Variants in PDSS2 observed in about 807,000 individuals in gnomAD.
PDSS2 encodes the protein all trans-polyprenyl-diphosphate synthase PDSS2.
A neutral mutation model predicts 44.5 loss-of-function variants in PDSS2; 31 were observed. That is an observed-to-expected ratio of 0.70 (90% CI 0.52 to 0.94). PDSS2 has a LOEUF of 0.94. Ranked by LOEUF, PDSS2 falls within the 40% of genes least tolerant of loss-of-function variation. The pLI is 0.00. For missense variants in PDSS2, 452 were observed against 482.2 expected (o/e 0.94, Z 0.59); for synonymous variants, 157 against 180.3 (o/e 0.87, Z 1.03).
chr6:107,446,640 G>T (rs1381232806), intron 1 of PDSS2, among the ~76,000 whole-genome samples: 1 of 152,132 alleles, frequency 6.6e-6, no homozygotes, highest in Non-Finnish European at 1.5e-5. Context: ...TGGCTGGGGA[G>T]GCCTCAGGAA....
intron 7 of PDSS2, among the ~76,000 whole-genome samples, chr6:107,168,185 G>C (rs559328101): frequency 6.6e-6 from 1 of 152,264 alleles, no homozygotes; most frequent in East Asian, 1.9e-4. Flanking sequence ...TATATATTTA[G>C]GAGAGTTAGC....
intron 7 of PDSS2, among the ~76,000 whole-genome samples, chr6:107,179,515 G>A (rs1198198951): frequency 4.7e-5 from 6 of 128,174 alleles, no homozygotes; most frequent in South Asian, 2.3e-4. Context: ...TCCTGGCCTC[G>A]TGATTCGCCC....
In PDSS2 at chr6:107,204,318, T is replaced by G. The variant is rs919306353; in HGVS notation, c.1008+6121A>C. On this transcript the variant is annotated intron_variant, in intron 6 of 7. Transcript: ENST00000369037. ...CATTCCTTTCCATGGCTGAGTAATA[T>G]TCCATTGTATGGATATACCACATTT... Among the ~76,000 whole-genome samples, 5 of 152,320 alleles carry G rather than the reference T, an allele frequency of 3.3e-5. No homozygotes were observed. In the South Asian group the frequency reaches 8.3e-4, roughly 25 times the overall value.
intron 2 of PDSS2, among the ~76,000 whole-genome samples, chr6:107,321,595 G>A (rs150943736): frequency 7.0e-4 from 106 of 152,304 alleles, no homozygotes; most frequent in African/African-American, 2.5e-3. Flanking sequence ...TGGGACCAGT[G>A]CTCAGTGCTC....
intron 3 of PDSS2, among the ~76,000 whole-genome samples, chr6:107,266,921 A>C (rs1469655127): frequency 6.6e-6 from 1 of 152,234 alleles, no homozygotes; most frequent in African/African-American, 2.4e-5. Flanking sequence ...CCACATTGAA[A>C]AAAAGCATGT....
chr6:107,245,443 AAAGCCATGT>A, intron 4 of PDSS2, 96 bp downstream of exon 4: 1 of 439,378 alleles, frequency 2.3e-6, no homozygotes, highest in Non-Finnish European at 4.1e-6. Context: ...AAAAAAAAAA[AAAGCCATGT>A]ACAATTTAAA....
At chr6:107,319,025 CAT>C (rs1554265837) in intron 2 of PDSS2, among the ~76,000 whole-genome samples, 37 of 143,302 alleles carry the variant, frequency 2.6e-4, no homozygotes, top group East Asian at 9.8e-4. Context: ...CACACACACA[CAT>C]ACACACACAC....
chr6:107,285,921 C>A (rs1392363287), intron 2 of PDSS2, among the ~76,000 whole-genome samples: 1 of 151,988 alleles, frequency 6.6e-6, no homozygotes, highest in African/African-American at 2.4e-5. Context: ...GAGTGGATCA[C>A]CTGAGGTCAG....
intron 7 of PDSS2, among the ~76,000 whole-genome samples, chr6:107,188,538 A>G (rs1208041625): frequency 6.6e-6 from 1 of 152,202 alleles, no homozygotes; most frequent in Non-Finnish European, 1.5e-5. Flanking sequence ...GAGGAAACTA[A>G]GAAAAGACCA....
chr6:107,230,495 C>A (rs1774006833), intron 4 of PDSS2, among the ~76,000 whole-genome samples: 1 of 152,098 alleles, frequency 6.6e-6, no homozygotes, highest in African/African-American at 2.4e-5. Flanking sequence ...GATAAAGGTA[C>A]CCCCAAACTC....
At chr6:107,220,186 T>C (rs1451705626) in intron 4 of PDSS2, among the ~76,000 whole-genome samples, 1 of 152,122 alleles carries the variant, frequency 6.6e-6, no homozygotes, top group African/African-American at 2.4e-5. Flanking sequence ...CTAAAAATCA[T>C]TGAATCGTAG....
intron 4 of PDSS2, among the ~76,000 whole-genome samples, chr6:107,215,217 G>GA (rs35196997): frequency 2.6e-4 from 39 of 152,094 alleles, no homozygotes; most frequent in Non-Finnish European, 4.9e-4. Context: ...TTCTTGATGA[G>GA]AAAAAATGTC....
chr6:107,268,590 T>C (rs948730202), intron 3 of PDSS2, among the ~76,000 whole-genome samples: 4 of 152,218 alleles, frequency 2.6e-5, no homozygotes, highest in African/African-American at 9.6e-5. Flanking sequence ...ATTATTGATG[T>C]ATATCTACAT....
intron 3 of PDSS2, among the ~76,000 whole-genome samples, chr6:107,248,702 C>G (rs1774713907): frequency 6.6e-6 from 1 of 152,270 alleles, no homozygotes; most frequent in Non-Finnish European, 1.5e-5. Context: ...AAGGCCTCTT[C>G]CAGCCCTATA....
At chr6:107,442,581 C>CTAGTGTTA (rs1012116747) in intron 1 of PDSS2, among the ~76,000 whole-genome samples, 3 of 152,176 alleles carry the variant, frequency 2.0e-5, no homozygotes, top group African/African-American at 7.2e-5. Flanking sequence ...TTAGTGTTTA[C>CTAGTGTTA]CTCCTGTAGG....
At chr6:107,201,829 C>A (rs1273456686) in intron 6 of PDSS2, among the ~76,000 whole-genome samples, 1 of 152,184 alleles carries the variant, frequency 6.6e-6, no homozygotes, top group Non-Finnish European at 1.5e-5. Context: ...AAACTACCTT[C>A]CCCCGCAAAC....
At chr6:107,403,721 C>T (rs997820426) in intron 1 of PDSS2, among the ~76,000 whole-genome samples, 2 of 152,210 alleles carry the variant, frequency 1.3e-5, no homozygotes, top group Admixed American at 6.5e-5. Flanking sequence ...ATCTTGGCCC[C>T]TTTTAGCCAT....
At chr6:107,314,738 G>T (rs1426467322) in intron 2 of PDSS2, among the ~76,000 whole-genome samples, 1 of 152,160 alleles carries the variant, frequency 6.6e-6, no homozygotes, top group African/African-American at 2.4e-5. Context: ...ATTATGCCCT[G>T]AAAAAATTAA....
At chr6:107,423,080 C>T (rs769044927) in intron 1 of PDSS2, among the ~76,000 whole-genome samples, 1 of 151,956 alleles carries the variant, frequency 6.6e-6, no homozygotes, top group Non-Finnish European at 1.5e-5. Flanking sequence ...AAAAGCCTGA[C>T]CAGGGTGGCT....
Sources: allele counts gnomAD v4.1 joint callset (sites outside exome capture counted in the v4.1 genomes callset), GRCh38; gene constraint gnomAD v4.1.1; transcripts MANE v1.5; gene names NCBI Gene and HGNC (gene_info 2026-07-23, HGNC 2026-07-21).